Variants in ITPKC observed in about 807,000 individuals in gnomAD.
ITPKC encodes IP3 3-kinase C.
A neutral mutation model predicts 67.1 loss-of-function variants in ITPKC; 33 were observed. That is an observed-to-expected ratio of 0.49 (90% CI 0.37 to 0.66). ITPKC has a LOEUF of 0.66. Ranked by LOEUF, ITPKC falls within the 30% of genes least tolerant of loss-of-function variation. ITPKC has a pLI of 0.00. For missense variants in ITPKC, 820 were observed against 892.1 expected, an observed-to-expected ratio of 0.92 and a Z score of 1.03; for synonymous variants, 341 against 359.8, an observed-to-expected ratio of 0.95 and a Z score of 0.59.
intron 2 of ITPKC, among the ~76,000 whole-genome samples, chr19:40,728,470 TG>T (rs1161169801): frequency 1.3e-5 from 2 of 152,204 alleles, no homozygotes; most frequent in Non-Finnish European, 2.9e-5. Context: ...ACACTCTGCG[TG>T]GTCCAGGAAA....
At chr19:40,733,848 G>T (rs1319997932) in intron 4 of ITPKC, among the ~76,000 whole-genome samples, 1 of 152,222 alleles carries the variant, frequency 6.6e-6, no homozygotes, top group Non-Finnish European at 1.5e-5. Context: ...GAGGCCAGGA[G>T]TAGTTCAGGA....
intron 3 of ITPKC, among the ~76,000 whole-genome samples, chr19:40,731,595 GTTT>G (rs776003885): frequency 3.0e-4 from 24 of 81,080 alleles, no homozygotes; most frequent in African/African-American, 1.1e-3. Context: ...CCAATCCTTG[GTTT>G]TTTTTTTTTT....
At chr19:40,731,963 C>T (rs1049930643) in intron 3 of ITPKC, among the ~76,000 whole-genome samples, 6 of 152,100 alleles carry the variant, frequency 3.9e-5, no homozygotes, top group East Asian at 3.9e-4. Context: ...TGTGGCTGGG[C>T]GCAGTGGCTC....
chr19:40,720,798 GT>G (rs2082218521), intron 1 of ITPKC, among the ~76,000 whole-genome samples: 1 of 152,044 alleles, frequency 6.6e-6, no homozygotes, highest in African/African-American at 2.4e-5. Flanking sequence ...TGCTCAAGCC[GT>G]TCCCACTGCC....
At chr19:40,737,226 T>A (rs1264502968) in intron 5 of ITPKC, 139 bp downstream of exon 5, 3 of 649,764 alleles carry the variant, frequency 4.6e-6, no homozygotes, top group Non-Finnish European at 8.1e-6. Context: ...GGTCAGCTGG[T>A]GGCTTGGCAA....
chr19:40,736,359 G>C (rs939876320), intron 4 of ITPKC, among the ~76,000 whole-genome samples: 1 of 152,132 alleles, frequency 6.6e-6, no homozygotes. Flanking sequence ...CACTTTCCTA[G>C]ATGGGTTCAA....
chr19:40,730,655 C>G (rs1476984693), intron 3 of ITPKC, among the ~76,000 whole-genome samples: 1 of 152,046 alleles, frequency 6.6e-6, no homozygotes, highest in African/African-American at 2.4e-5. Flanking sequence ...GTCTTGAACC[C>G]CTGAGCTCAA....
Position 40,729,254 on chromosome 19 carries a change from T to G in ITPKC, c.1308T>G (p.Cys436Trp), listed in dbSNP as rs1481311927. The change falls in exon 3 of 7, where the codon TGT (cysteine) becomes TGG (tryptophan). Residue 436 changes from cysteine (C) to tryptophan (W), a missense_variant. Coordinates refer to ENST00000263370, the MANE Select transcript of ITPKC (RefSeq NM_025194.3). ...GGATTCTGAAACGTTTCTGTCAGTGTGAGCAGCGCAGCCTGGAGCAGCTGA... is the reference window on the plus strand; with the variant it reads ...GGATTCTGAAACGTTTCTGTCAGTGGGAGCAGCGCAGCCTGGAGCAGCTGA... Reference protein sequence around the residue: ...DGRILKRFCQCEQRSLEQLMK... With the variant: ...DGRILKRFCQWEQRSLEQLMK... 1.9e-6 allele frequency: 3 copies of G among 1,614,010 alleles called. No homozygotes were observed. Among genetic ancestry groups the G allele is most frequent in the African/African-American group, 1.3e-5 (1 of 74,914 alleles).
intron 2 of ITPKC, among the ~76,000 whole-genome samples, chr19:40,728,299 C>A (rs540287559): frequency 1.3e-5 from 2 of 151,940 alleles, no homozygotes; most frequent in Admixed American, 1.3e-4. Flanking sequence ...GTGGGAGGAT[C>A]ACCTGAATCT....
chr19:40,719,471 C>T (rs373446014), intron 1 of ITPKC, among the ~76,000 whole-genome samples: 4 of 151,968 alleles, frequency 2.6e-5, no homozygotes, highest in Non-Finnish European at 5.9e-5. Context: ...TCACTCCTCG[C>T]AGCAACCCTA....
At position 40,737,920 on chromosome 19, in the gene ITPKC, G is replaced by T. The variant is rs558359059; in HGVS notation, c.1848+151G>T. 108 of 625,428 alleles carry T rather than the reference G, an allele frequency of 1.7e-4. 1 individual carries two copies. The East Asian group carries it at 3.1e-3, about 18-fold the overall frequency. 38.7% of individuals were successfully genotyped at this position (625,428 alleles called of 1,614,324 possible). ...AATACCAGCACTTTGGGAGGCTGAG[G>T]TGGGAGGATTGCTGGAGCCCAGGAG... On this transcript the variant is annotated intron_variant, in intron 6 of 6. Coordinates refer to ENST00000263370, the MANE Select transcript of ITPKC (RefSeq NM_025194.3).
intron 6 of ITPKC, 115 bp downstream of exon 6, chr19:40,737,884 C>T: frequency 2.3e-6 from 2 of 856,990 alleles, no homozygotes; most frequent in Admixed American, 2.0e-5. Flanking sequence ...GGCGTTGTGG[C>T]CCGCACCTGT....
chr19:40,733,928 A>C (rs918884234), intron 4 of ITPKC, among the ~76,000 whole-genome samples: 1 of 152,160 alleles, frequency 6.6e-6, no homozygotes, highest in Non-Finnish European at 1.5e-5. Flanking sequence ...CTAGTCACAC[A>C]GTTCAAAAGT....
chr19:40,727,608 A>T (rs1599651011), intron 2 of ITPKC, among the ~76,000 whole-genome samples: 1 of 152,022 alleles, frequency 6.6e-6, no homozygotes, highest in East Asian at 1.9e-4. Flanking sequence ...GATGCTGGCT[A>T]TTGGCTGGGG....
At position 40,717,947 on chromosome 19, in the gene ITPKC, A is replaced by C; in HGVS notation, c.812A>C (p.Gln271Pro). ...GGCACTGGTGGTTTCCAAATACAAC[A>C]GGATACTGATGGCTCCTGGACACAA... Reference protein sequence around the residue: ...QPGTGGFQIQQDTDGSWTQPS... With the variant: ...QPGTGGFQIQPDTDGSWTQPS... The change falls in exon 1 of 7, where the codon CAG becomes CCG. Residue 271 changes from glutamine (Q) to proline (P), a missense_variant. Around this residue, in one of 2 missense-constraint regions of ITPKC, gnomAD observed 481 missense variants for 470.1 expected, o/e 1.02. Transcript: ENST00000263370. 4 of 1,614,112 alleles carry C rather than the reference A, an allele frequency of 2.5e-6. No individual in the cohort carries two copies. Among genetic ancestry groups the C allele is most frequent in the Non-Finnish European group, 3.4e-6 (4 of 1,180,006 alleles).
In ITPKC at chr19:40,718,128, C is replaced by T; in HGVS notation, c.993C>T (p.Ile331=). The T allele has an allele frequency of 6.2e-7, 1 of 1,611,004 alleles. No individual in the cohort carries two copies. The highest frequency in any genetic ancestry group is 2.2e-5 in the East Asian group (1 of 44,854). The change falls in exon 1 of 7, where the codon ATC becomes ATT. Residue 331 remains isoleucine, a synonymous_variant. Coordinates refer to ENST00000263370, the MANE Select transcript of ITPKC (RefSeq NM_025194.3). ...CCCTGTGCCCTGTGCCCCGCCTCAT[C>T]ATTACCCCTGAGACCCCTGAGCCTG... is the stretch of plus-strand genomic sequence containing the variant. ...CSPLCPVPRL[I]ITPETPEPEA...
chr19:40,735,168 C>T (rs572043672), intron 4 of ITPKC, among the ~76,000 whole-genome samples: 37 of 152,266 alleles, frequency 2.4e-4, no homozygotes, highest in African/African-American at 8.2e-4. Context: ...ATCTGCCTGA[C>T]TTAGCCTCCC....
chr19:40,725,462 G>C (rs2082242403), intron 2 of ITPKC, 23 bp downstream of exon 2: 1 of 1,448,368 alleles, frequency 6.9e-7, no homozygotes, highest in East Asian at 2.3e-5. Context: ...GTGGTGGACA[G>C]AGCTGGGCAG....
chr19:40,722,463 C>T (rs2082226830), intron 1 of ITPKC, among the ~76,000 whole-genome samples: 1 of 152,094 alleles, frequency 6.6e-6, no homozygotes, highest in African/African-American at 2.4e-5. Flanking sequence ...CTTCCCGAAC[C>T]CTGACTCCCT....
Sources: gnomAD v4.1 joint callset for allele counts (sites outside exome capture counted in the v4.1 genomes callset) on GRCh38, gnomAD v4.1.1 for gene constraint, gnomAD v4.1.1 regional missense constraint, MANE v1.5 for transcripts, NCBI Gene and HGNC (gene_info 2026-07-23, HGNC 2026-07-21) for gene names.